The following RP1L1 variants were observed in gnomAD, a reference collection of about 807,000 sequenced individuals.
The protein encoded by RP1L1 is RP1 like 1.
RP1L1 carries 27 observed loss-of-function variants against 15.7 expected under a neutral mutation model. That is an observed-to-expected ratio of 1.72 (90% confidence interval 1.27 to 2.38). The LOEUF (loss-of-function observed/expected upper bound fraction) is 2.38, where lower values mean the gene tolerates loss of function less well. Ranked by LOEUF, RP1L1 falls within the 30% of genes most tolerant of loss-of-function variation. The probability of loss-of-function intolerance (pLI) is 0.00; values close to 1 mark genes in which losing one functional copy is unlikely to be tolerated. For missense variants in RP1L1, 4,798 were observed against 3,075.9 expected (o/e 1.56, Z -13.24); for synonymous variants, 1,813 against 1,276.7 (o/e 1.42, Z -8.96).
chr8:10,613,710 C>G (rs1797920343), intron 3 of RP1L1, among the ~76,000 whole-genome samples: 1 of 151,958 alleles, frequency 6.6e-6, no homozygotes, highest in South Asian at 2.1e-4. Context: ...AGGAGAATCC[C>G]CTGAGTCCCA....
At chr8:10,635,257 T>C (rs1309488991) in intron 1 of RP1L1, among the ~76,000 whole-genome samples, 2 of 152,144 alleles carry the variant, frequency 1.3e-5, no homozygotes, top group Admixed American at 1.3e-4. Context: ...GCCCTCCAAC[T>C]GACCCGTTAG....
At chr8:10,651,849 A>G (rs1035163098) in intron 1 of RP1L1, among the ~76,000 whole-genome samples, 1 of 152,142 alleles carries the variant, frequency 6.6e-6, no homozygotes, top group Non-Finnish European at 1.5e-5. Context: ...GCAGCACACA[A>G]TGGCATTTCT....
At chr8:10,647,958 A>G (rs949591913) in intron 1 of RP1L1, among the ~76,000 whole-genome samples, 6 of 151,860 alleles carry the variant, frequency 4.0e-5, no homozygotes, top group Admixed American at 2.0e-4. Context: ...TATTCCCACC[A>G]TGGTGCACAA....
intron 1 of RP1L1, among the ~76,000 whole-genome samples, chr8:10,649,247 C>T (rs1798524251): frequency 6.6e-6 from 1 of 152,212 alleles, no homozygotes; most frequent in South Asian, 2.1e-4. Context: ...TCTCCTCATC[C>T]ACTTGCTGAC....
At chr8:10,642,895 C>G (rs1302206710) in intron 1 of RP1L1, among the ~76,000 whole-genome samples, 3 of 152,136 alleles carry the variant, frequency 2.0e-5, no homozygotes, top group Non-Finnish European at 2.9e-5. Flanking sequence ...GAGAACAATG[C>G]ATAGTACCAG....
Position 10,612,948 on chromosome 8 carries a change from G to C in RP1L1, c.1150C>G (p.Pro384Ala), listed in dbSNP as rs751363787. The C allele has an allele frequency of 1.2e-6, 2 of 1,613,126 alleles. No individual in the cohort carries two copies. Among genetic ancestry groups the C allele is most frequent in the South Asian group, 2.2e-5 (2 of 91,082 alleles). ...WGFSEPGVWG[P>A]RPCRVGCREV... ...CTGCATCCCACCCTGCAGGGCCGGG[G>C]TCCCCACACCCCAGGCTCTGAGAAG... is the stretch of plus-strand genomic sequence containing the variant. Residue 384 changes from proline to alanine, a missense_variant, in exon 4 of 4, where the codon CCC (proline) becomes GCC (alanine). By Grantham distance (27) the Pro-to-Ala change is conservative. Coordinates refer to ENST00000382483, the MANE Select transcript of RP1L1 (RefSeq NM_178857.6).
At position 10,640,771 on chromosome 8, in the gene RP1L1, A is replaced by C. The variant is rs181466755; in HGVS notation, c.-20+14127T>G. Among the ~76,000 whole-genome samples, 55 of 152,144 alleles carry C rather than the reference A, an allele frequency of 3.6e-4. 1 individual carries two copies. The highest frequency in any genetic ancestry group is 2.3e-3 in the South Asian group (11 of 4,824). ...CTATAATATTCCAAGATTGTGCTAT[A>C]TATTTTTTTGAGACAGGGTCTTTGA... is the stretch of plus-strand genomic sequence containing the variant. On this transcript the variant is annotated intron_variant, in intron 1 of 3. Coordinates refer to ENST00000382483, the MANE Select transcript of RP1L1 (RefSeq NM_178857.6).
In RP1L1 at chr8:10,622,767, C is replaced by T. The variant is rs1798084219; in HGVS notation, c.435G>A (p.Arg145=). The change falls in exon 2 of 4, where the codon CGG becomes CGA. Residue 145 remains arginine (R), a synonymous_variant. Transcript: ENST00000382483. Reference sequence around the variant, plus strand: ...TCCTCCGGGGGGTTTTAAGACTCTTCCGGGAGGAGGAGGTGCCTGGGGCTT... The same window carrying T: ...TCCTCCGGGGGGTTTTAAGACTCTTTCGGGAGGAGGAGGTGCCTGGGGCTT... The part of the protein sequence containing the change: ...QREAPGTSSS[R]KSLKTPRRIL... 3.1e-6 allele frequency: 5 copies of T among 1,613,874 alleles called. No homozygotes were observed. Among genetic ancestry groups the T allele is most frequent in the Non-Finnish European group, 4.2e-6 (5 of 1,179,882 alleles).
intron 1 of RP1L1, among the ~76,000 whole-genome samples, chr8:10,641,115 C>T (rs927064482): frequency 6.6e-5 from 10 of 152,342 alleles, no homozygotes; most frequent in Admixed American, 2.6e-4. Flanking sequence ...TCATACATTA[C>T]ATGGCAGATG....
At chr8:10,627,880 T>C (rs1376705171) in intron 1 of RP1L1, among the ~76,000 whole-genome samples, 1 of 152,050 alleles carries the variant, frequency 6.6e-6, no homozygotes, top group Non-Finnish European at 1.5e-5. Flanking sequence ...TCCACAAGGG[T>C]AGTTAGTACT....
chr8:10,654,446 A>C (rs1463010170), intron 1 of RP1L1, among the ~76,000 whole-genome samples: 1 of 152,040 alleles, frequency 6.6e-6, no homozygotes, highest in East Asian at 1.9e-4. Context: ...TCTAAGAAGC[A>C]AATTGGACAC....
In RP1L1 at chr8:10,611,386, AT is replaced by A; in HGVS notation, c.2711del (p.Asn904IlefsTer25). ...QPGPTPSPGPNSGASRRSSAS... is the reference protein window; with the variant it reads ...QPGPTPSPGPXSGASRRSSAS... Reference sequence around the variant, plus strand: ...CACTGCTTCTCCTTGATGCCCCTGAATTGGGGCCTGGGGACGGCGTGGGGCC... The same window carrying A: ...CACTGCTTCTCCTTGATGCCCCTGAATGGGGCCTGGGGACGGCGTGGGGCC... On this transcript the variant is annotated frameshift_variant, in exon 4 of 4. Transcript: ENST00000382483. LOFTEE classifies it low-confidence loss of function (END_TRUNC). The A allele has an allele frequency of 6.2e-7, 1 of 1,607,280 alleles. No individual in the cohort carries two copies. The highest frequency in any genetic ancestry group is 8.5e-7 in the Non-Finnish European group (1 of 1,178,406).
Position 10,622,773 on chromosome 8 carries a change from G to T in RP1L1, c.429C>A (p.Ser143=). 6.2e-7 allele frequency: 1 copy of T among 1,614,018 alleles called. No individual in the cohort carries two copies. Among genetic ancestry groups the T allele is most frequent in the Non-Finnish European group, 8.5e-7 (1 of 1,179,966 alleles). ...GGGGGGTTTTAAGACTCTTCCGGGA[G>T]GAGGAGGTGCCTGGGGCTTCACGCT... ...EGQREAPGTS[S]SRKSLKTPRR... Residue 143 remains serine, a synonymous_variant, in exon 2 of 4, where the codon TCC becomes TCA. Transcript: ENST00000382483.
intron 1 of RP1L1, among the ~76,000 whole-genome samples, chr8:10,629,079 G>A (rs192267178): frequency 1.4e-3 from 207 of 152,350 alleles, no homozygotes; most frequent in African/African-American, 4.6e-3. Context: ...TGCTTAGACA[G>A]CTGAGCAGGA....
At chr8:10,650,868 ACT>A (rs539846720) in intron 1 of RP1L1, among the ~76,000 whole-genome samples, 60 of 152,130 alleles carry the variant, frequency 3.9e-4, no homozygotes, top group Middle Eastern at 3.4e-3. Context: ...CACTCAGCTG[ACT>A]CTGTAGTTCT....
At chr8:10,613,561 C>G (rs1797916304) in intron 3 of RP1L1, among the ~76,000 whole-genome samples, 1 of 117,224 alleles carries the variant, frequency 8.5e-6, no homozygotes, top group African/African-American at 3.2e-5. Context: ...CTCAGGGTTT[C>G]AAGACCAGCC....
Position 10,612,635 on chromosome 8 carries a change from T to A in RP1L1, c.1463A>T (p.Gln488Leu). 6.2e-7 allele frequency: 1 copy of A among 1,601,660 alleles called. No individual in the cohort carries two copies. Residue 488 changes from glutamine (Q) to leucine (L), a missense_variant, in exon 4 of 4, where the codon CAG becomes CTG. Coordinates refer to ENST00000382483, the MANE Select transcript of RP1L1 (RefSeq NM_178857.6). ...DGVDSASPSA[Q>L]IGAERKAGGS... ...TCCAGCTTTCCGCTCAGCCCCTATC[T>A]GGGCAGAGGGGCTGGCACTGTCCAC...
At chr8:10,619,853 G>A (rs143820990) in intron 2 of RP1L1, among the ~76,000 whole-genome samples, 4,266 of 151,718 alleles carry the variant, frequency 0.028, 191 homozygotes, top group African/African-American at 0.095. Context: ...CCAGCTACTC[G>A]GGGAGGCTGA....
intron 2 of RP1L1, among the ~76,000 whole-genome samples, chr8:10,618,610 T>A (rs987786859): frequency 6.6e-6 from 1 of 151,974 alleles, no homozygotes; most frequent in Admixed American, 6.6e-5. Flanking sequence ...GAGGATCACT[T>A]GAGCCCAGGA....
Sources: allele counts gnomAD v4.1 joint callset (sites outside exome capture counted in the v4.1 genomes callset), GRCh38; gene constraint gnomAD v4.1.1; transcripts MANE v1.5; gene names NCBI Gene and HGNC (gene_info 2026-07-23, HGNC 2026-07-21).